The following MAGI2 variants were observed in gnomAD, a reference collection of about 807,000 sequenced individuals.
The protein encoded by MAGI2 is membrane associated guanylate kinase, WW and PDZ domain containing 2.
A neutral mutation model predicts 133.3 loss-of-function variants in MAGI2; 35 were observed. That is an observed-to-expected ratio of 0.26 (90% CI 0.20 to 0.35). The LOEUF (loss-of-function observed/expected upper bound fraction) is 0.35. MAGI2 is among the 10% of genes least tolerant of loss of function. The probability of loss-of-function intolerance (pLI) is 1.00; values close to 1 mark genes in which losing one functional copy is unlikely to be tolerated. For synonymous variants in MAGI2, 729 were observed against 710.6 expected (o/e 1.03, Z -0.41); for missense variants, 1,636 against 1,863.4 (o/e 0.88, Z 2.25).
chr7:78,903,584 C>A (rs1386595029), intron 2 of MAGI2, among the ~76,000 whole-genome samples: 1 of 152,078 alleles, frequency 6.6e-6, no homozygotes. Context: ...GCAAATAAGA[C>A]AATGGAGTGA....
At chr7:78,866,159 C>A (rs1794535978) in intron 2 of MAGI2, among the ~76,000 whole-genome samples, 1 of 152,166 alleles carries the variant, frequency 6.6e-6, no homozygotes, top group African/African-American at 2.4e-5. Flanking sequence ...TTGTTCCATG[C>A]AATCCACTTT....
chr7:78,418,692 T>C (rs1026877652), intron 6 of MAGI2, among the ~76,000 whole-genome samples: 1 of 152,106 alleles, frequency 6.6e-6, no homozygotes, highest in African/African-American at 2.4e-5. Context: ...TCTCCTTCTT[T>C]AGGGAAGCTG....
intron 1 of MAGI2, among the ~76,000 whole-genome samples, chr7:79,330,756 ATACATAAT>A (rs1840021311): frequency 6.6e-6 from 1 of 152,122 alleles, no homozygotes; most frequent in Admixed American, 6.6e-5. Context: ...GGATTAAATT[ATACATAAT>A]ATATAATAAC....
chr7:78,577,533 T>C (rs1802389840), intron 3 of MAGI2, among the ~76,000 whole-genome samples: 1 of 152,068 alleles, frequency 6.6e-6, no homozygotes, highest in Non-Finnish European at 1.5e-5. Context: ...GCAATAAAGC[T>C]GTTTATTTCA....
chr7:79,422,261 C>T (rs1847019054), intron 1 of MAGI2, among the ~76,000 whole-genome samples: 1 of 151,960 alleles, frequency 6.6e-6, no homozygotes, highest in African/African-American at 2.4e-5. Context: ...TAGCTCTTTC[C>T]TGTCTTTGCC....
At chr7:78,586,530 GTTC>G (rs1434646249) in intron 3 of MAGI2, among the ~76,000 whole-genome samples, 1 of 152,212 alleles carries the variant, frequency 6.6e-6, no homozygotes, top group Non-Finnish European at 1.5e-5. Flanking sequence ...AATCTGTTAT[GTTC>G]TTCTCTCCTG....
At chr7:78,611,223 T>C (rs538808197) in intron 3 of MAGI2, among the ~76,000 whole-genome samples, 29 of 152,314 alleles carry the variant, frequency 1.9e-4, no homozygotes, top group African/African-American at 5.5e-4. Context: ...GCAACTAATA[T>C]CAATTTATTA....
chr7:79,064,390 C>A (rs1584831224), intron 1 of MAGI2, among the ~76,000 whole-genome samples: 1 of 152,120 alleles, frequency 6.6e-6, no homozygotes, highest in Non-Finnish European at 1.5e-5. Flanking sequence ...CAATGACTTG[C>A]ATAAGACCAC....
At chr7:78,818,556 C>T (rs1254878167) in intron 2 of MAGI2, among the ~76,000 whole-genome samples, 2 of 152,034 alleles carry the variant, frequency 1.3e-5, no homozygotes, top group African/African-American at 4.8e-5. Flanking sequence ...ATATTACCAA[C>T]CTTAATGCTA....
At chr7:78,453,670 TATC>T (rs1277071661) in intron 6 of MAGI2, among the ~76,000 whole-genome samples, 1 of 152,208 alleles carries the variant, frequency 6.6e-6, no homozygotes, top group Non-Finnish European at 1.5e-5. Context: ...GCTGAACAGT[TATC>T]ATGTGTCAGG....
At chr7:78,524,052 G>GTA (rs1554455547) in intron 3 of MAGI2, among the ~76,000 whole-genome samples, 1 of 149,096 alleles carries the variant, frequency 6.7e-6, no homozygotes, top group East Asian at 2.0e-4. Context: ...CATTTCTAGG[G>GTA]AAAAAAAAAA....
intron 2 of MAGI2, among the ~76,000 whole-genome samples, chr7:78,864,362 A>C (rs1794385795): frequency 6.6e-6 from 1 of 152,226 alleles, no homozygotes; most frequent in Non-Finnish European, 1.5e-5. Flanking sequence ...TCATGTTTAT[A>C]ATTCATACAT....
chr7:79,259,240 T>G (rs1833910617), intron 1 of MAGI2, among the ~76,000 whole-genome samples: 1 of 152,220 alleles, frequency 6.6e-6, no homozygotes, highest in African/African-American at 2.4e-5. Flanking sequence ...AGTAGGATAG[T>G]AAATTCCTAA....
intron 6 of MAGI2, among the ~76,000 whole-genome samples, chr7:78,434,766 G>C (rs1054656860): frequency 6.6e-6 from 1 of 152,138 alleles, no homozygotes; most frequent in East Asian, 1.9e-4. Flanking sequence ...TTGGGGAAAT[G>C]AATGGAAGTA....
At chr7:78,581,302 T>C (rs1328601540) in intron 3 of MAGI2, among the ~76,000 whole-genome samples, 2 of 152,164 alleles carry the variant, frequency 1.3e-5, no homozygotes, top group African/African-American at 2.4e-5. Context: ...CTCTTGCTTC[T>C]CTCCAAGGGA....
At chr7:78,803,304 A>G (rs1480654537) in intron 2 of MAGI2, among the ~76,000 whole-genome samples, 1 of 152,192 alleles carries the variant, frequency 6.6e-6, no homozygotes, top group Non-Finnish European at 1.5e-5. Context: ...TTGGGCTGGC[A>G]TAATTACGGA....
chr7:79,170,309 A>T (rs1825400284), intron 1 of MAGI2, among the ~76,000 whole-genome samples: 1 of 151,528 alleles, frequency 6.6e-6, no homozygotes, highest in Non-Finnish European at 1.5e-5. Context: ...AGTAGCTGGG[A>T]CTACAGGCAT....
chr7:78,692,582 T>C (rs1206001086), intron 2 of MAGI2, among the ~76,000 whole-genome samples: 1 of 152,198 alleles, frequency 6.6e-6, no homozygotes, highest in Non-Finnish European at 1.5e-5. Flanking sequence ...GGTTAGACAA[T>C]AACCAGGTCA....
At chr7:78,757,323 C>G (rs200795527) in intron 2 of MAGI2, among the ~76,000 whole-genome samples, 2 of 141,214 alleles carry the variant, frequency 1.4e-5, no homozygotes, top group African/African-American at 5.2e-5. Context: ...CTCTCTCTCT[C>G]TCTCCATAAT....
Sources: gnomAD v4.1 joint callset for allele counts (sites outside exome capture counted in the v4.1 genomes callset) on GRCh38, gnomAD v4.1.1 for gene constraint, MANE v1.5 for transcripts, NCBI Gene and HGNC (gene_info 2026-07-23, HGNC 2026-07-21) for gene names.